The following NEGR1 variants were observed in gnomAD, a reference collection of about 807,000 sequenced individuals.
NEGR1 encodes the protein neuronal growth regulator 1.
A neutral mutation model predicts 40.9 loss-of-function variants in NEGR1; 10 were observed. That is an observed-to-expected ratio of 0.24 (90% confidence interval 0.15 to 0.42). The LOEUF is 0.42. Among genes scored for constraint, NEGR1 ranks in the 10% least tolerant of loss-of-function variants. NEGR1 has a pLI of 1.00. For missense variants in NEGR1, 352 were observed against 438.9 expected (o/e 0.80, Z 1.77); for synonymous variants, 185 against 166.8 (o/e 1.11, Z -0.84).
intron 6 of NEGR1, among the ~76,000 whole-genome samples, chr1:71,409,980 A>T (rs148426059): frequency 2.6e-5 from 4 of 152,180 alleles, no homozygotes; most frequent in African/African-American, 9.6e-5. Context: ...TAAGATATGT[A>T]TGATCCTTTT....
intron 6 of NEGR1, among the ~76,000 whole-genome samples, chr1:71,450,596 C>G (rs1453775454): frequency 3.3e-5 from 5 of 151,756 alleles, no homozygotes; most frequent in African/African-American, 9.7e-5. Flanking sequence ...CTCTTGAGGT[C>G]AGGAGTTTGA....
chr1:72,239,188 T>C (rs1235086383), intron 1 of NEGR1, among the ~76,000 whole-genome samples: 3 of 151,864 alleles, frequency 2.0e-5, no homozygotes, highest in East Asian at 1.9e-4. Flanking sequence ...AAACAGAAAC[T>C]ACAGTTTTGA....
intron 2 of NEGR1, among the ~76,000 whole-genome samples, chr1:71,887,730 G>C (rs896638622): frequency 6.6e-6 from 1 of 151,986 alleles, no homozygotes; most frequent in Non-Finnish European, 1.5e-5. Flanking sequence ...TAGGACACTG[G>C]AACTTATTCT....
chr1:71,561,372 T>C (rs964176702), intron 6 of NEGR1, among the ~76,000 whole-genome samples: 2 of 151,690 alleles, frequency 1.3e-5, no homozygotes, highest in African/African-American at 2.4e-5. Flanking sequence ...TCTAAAAATT[T>C]CCGCAGTTTG....
intron 6 of NEGR1, among the ~76,000 whole-genome samples, chr1:71,496,916 T>A (rs1646967629): frequency 6.6e-6 from 1 of 152,196 alleles, no homozygotes; most frequent in Non-Finnish European, 1.5e-5. Context: ...CTTGCAACTT[T>A]CCTAACATCC....
chr1:71,781,351 G>A (rs1656708304), intron 2 of NEGR1, among the ~76,000 whole-genome samples: 1 of 152,156 alleles, frequency 6.6e-6, no homozygotes, highest in Non-Finnish European at 1.5e-5. Flanking sequence ...TGTGAGGTCA[G>A]GTCACACATG....
At chr1:71,831,661 C>G (rs1378616866) in intron 2 of NEGR1, among the ~76,000 whole-genome samples, 1 of 151,806 alleles carries the variant, frequency 6.6e-6, no homozygotes, top group African/African-American at 2.4e-5. Flanking sequence ...CTGTGACATA[C>G]TATTAGTGGA....
At chr1:71,770,125 A>C (rs1320746243) in intron 3 of NEGR1, among the ~76,000 whole-genome samples, 2 of 152,174 alleles carry the variant, frequency 1.3e-5, no homozygotes, top group African/African-American at 4.8e-5. Flanking sequence ...ATTTTGAAAA[A>C]ACCTTGAAAA....
chr1:71,776,394 A>G (rs1013711495), intron 2 of NEGR1, 97 bp from the exon 3 acceptor site: 41 of 695,788 alleles, frequency 5.9e-5, no homozygotes, highest in Non-Finnish European at 8.2e-5. Flanking sequence ...GAAAGGTATG[A>G]GGGTGAAATG....
chr1:71,798,020 A>G (rs1166291484), intron 2 of NEGR1: 1 of 152,026 alleles, frequency 6.6e-6, no homozygotes, highest in Non-Finnish European at 1.5e-5. Context: ...TGATTCTTTA[A>G]CATTGGCCAA....
At chr1:72,152,671 C>T (rs557021992) in intron 1 of NEGR1, among the ~76,000 whole-genome samples, 1 of 151,994 alleles carries the variant, frequency 6.6e-6, no homozygotes, top group South Asian at 2.1e-4. Flanking sequence ...TAAGCATGTA[C>T]TTATATGTTC....
intron 1 of NEGR1, among the ~76,000 whole-genome samples, chr1:72,146,376 C>T (rs1650909676): frequency 6.6e-6 from 1 of 152,082 alleles, no homozygotes; most frequent in Non-Finnish European, 1.5e-5. Context: ...AATGCCATGT[C>T]ATACTTTTTT....
Position 71,402,887 on chromosome 1 carries a change from A to C in NEGR1, c.*4559T>G, listed in dbSNP as rs923692118. ...CTTGATGTTTCTGTTTCTGTGATGT[A>C]ATTTATGCAAGATAGATAAGATAGA... On this transcript the variant is annotated 3_prime_UTR_variant, in exon 7 of 7. Transcript: ENST00000357731. 2.0e-5 allele frequency: 3 copies of C among 152,108 alleles called. No individual in the cohort carries two copies. The highest frequency in any genetic ancestry group is 7.2e-5 in the African/African-American group (3 of 41,448). 9.4% of individuals were successfully genotyped at this position (152,108 alleles called of 1,614,324 possible).
intron 1 of NEGR1, among the ~76,000 whole-genome samples, chr1:72,000,608 C>T (rs1220613825): frequency 6.6e-6 from 1 of 152,076 alleles, no homozygotes; most frequent in Non-Finnish European, 1.5e-5. Context: ...GAAATGAATA[C>T]ATTCACTTTC....
chr1:72,228,084 A>G (rs149846326), intron 1 of NEGR1, among the ~76,000 whole-genome samples: 132 of 152,222 alleles, frequency 8.7e-4, no homozygotes, highest in Admixed American at 4.2e-3. Context: ...ACAGGCTACT[A>G]TTAGGAAAGC....
At chr1:71,528,631 A>C (rs1236905670) in intron 6 of NEGR1, among the ~76,000 whole-genome samples, 1 of 151,320 alleles carries the variant, frequency 6.6e-6, no homozygotes, top group African/African-American at 2.4e-5. Context: ...TCTTTACATA[A>C]TATGGTATCT....
chr1:72,016,175 G>A (rs1000605914), intron 1 of NEGR1, among the ~76,000 whole-genome samples: 1 of 151,920 alleles, frequency 6.6e-6, no homozygotes, highest in East Asian at 1.9e-4. Flanking sequence ...CTGACCAAAG[G>A]AGAACAGGAG....
intron 1 of NEGR1, among the ~76,000 whole-genome samples, chr1:72,116,266 T>C (rs182398251): frequency 1.3e-5 from 2 of 151,954 alleles, no homozygotes; most frequent in Non-Finnish European, 2.9e-5. Flanking sequence ...TATTAAAAGA[T>C]ACTTAGAAAG....
At chr1:71,438,174 C>T (rs928815910) in intron 6 of NEGR1, among the ~76,000 whole-genome samples, 8 of 152,024 alleles carry the variant, frequency 5.3e-5, no homozygotes, top group African/African-American at 1.7e-4. Context: ...CTTTATAAGC[C>T]CTTAGTCAAA....
Sources: gnomAD v4.1 joint callset for allele counts (sites outside exome capture counted in the v4.1 genomes callset) on GRCh38, gnomAD v4.1.1 for gene constraint, MANE v1.5 for transcripts, NCBI Gene and HGNC (gene_info 2026-07-23, HGNC 2026-07-21) for gene names.